Variants in CAPN2 observed in about 807,000 individuals in gnomAD.
CAPN2 encodes calpain-2 catalytic subunit.
A neutral mutation model predicts 102.3 loss-of-function variants in CAPN2; 92 were observed. The observed-to-expected ratio is 0.90, with a 90% CI of 0.76 to 1.07. The LOEUF (loss-of-function observed/expected upper bound fraction) is 1.07. Among genes scored for constraint, CAPN2 ranks in the 50% least tolerant of loss-of-function variants. The probability of loss-of-function intolerance (pLI) is 0.00; values close to 1 mark genes in which losing one functional copy is unlikely to be tolerated. For missense variants in CAPN2, 800 were observed against 909.4 expected (o/e 0.88, Z 1.55); for synonymous variants, 340 against 355.4 (o/e 0.96, Z 0.49).
chr1:223,761,633 T>A lies in CAPN2; in HGVS notation c.1566+16T>A, dbSNP rs372305919. The A allele has an allele frequency of 6.2e-6, 10 of 1,604,910 alleles. No homozygotes were observed. In the African/African-American group the frequency reaches 1.2e-4, roughly 19 times the overall value. ...TCTTGAAGAGGTATTTGTAACTCTT[T>A]GAATTTCACCCACTCTGTCCTGGAC... is the stretch of plus-strand genomic sequence containing the variant. On this transcript the variant is annotated intron_variant, in intron 13 of 20. Transcript: ENST00000295006.
chr1:223,748,126 G>A lies in CAPN2; in HGVS notation c.730-913G>A, dbSNP rs28370057. 4.6e-3 allele frequency among the ~76,000 whole-genome samples: 706 copies of A among 152,314 alleles called. 8 individuals carry two copies. The highest frequency in any genetic ancestry group is 5.7e-3 in the African/African-American group (239 of 41,570). The stretch of plus-strand genomic sequence containing the variant: ...CAGCCTTCCCCTGCACTCTTGCAGA[G>A]CTAATAGGCCCGTGGGAGACTTCGG... On this transcript the variant is annotated intron_variant, in intron 5 of 20. Transcript: ENST00000295006.
chr1:223,772,231 C>CTTAT lies in CAPN2; in HGVS notation c.2072_2075dup (p.Ser693TyrfsTer13). The CTTAT allele has an allele frequency of 6.2e-7, 1 of 1,613,970 alleles. No individual in the cohort carries two copies. The highest frequency in any genetic ancestry group is 8.5e-7 in the Non-Finnish European group (1 of 1,179,882). On this transcript the variant is annotated frameshift_variant, in exon 20 of 21. Transcript: ENST00000295006. LOFTEE classifies it high-confidence loss of function. ...GAATACTGGAACAATAGAGCTCGAC[C>CTTAT]TTATCTCTGTGAGTCAGCAGGCCCC...
At chr1:223,746,475 C>CTTTTTTTTTTTTTTTTTTT (rs60366533) in intron 4 of CAPN2, among the ~76,000 whole-genome samples, 1 of 108,462 alleles carries the variant, frequency 9.2e-6, no homozygotes, top group African/African-American at 4.4e-5. Flanking sequence ...CTACGAGAAT[C>CTTTTTTTTTTTTTTTTTTT]TTTTTTTTTT....
chr1:223,762,269 C>CA lies in CAPN2; in HGVS notation c.1632+18_1632+19insA. The CA allele has an allele frequency of 6.3e-7, 1 of 1,588,706 alleles. No homozygotes were observed. The highest frequency in any genetic ancestry group is 8.6e-7 in the Non-Finnish European group (1 of 1,156,904). On this transcript the variant is annotated intron_variant, in intron 14 of 20. Coordinates refer to ENST00000295006, the MANE Select transcript of CAPN2 (RefSeq NM_001748.5). Reference sequence around the variant, plus strand: ...CAGGAGAGGTAAATGTTCCCAAAAACGATGTTATGCACTCTGGTTGATGCA... The same window carrying CA: ...CAGGAGAGGTAAATGTTCCCAAAAACAGATGTTATGCACTCTGGTTGATGCA...
At chr1:223,713,771 C>T (rs901239288) in intron 1 of CAPN2, among the ~76,000 whole-genome samples, 1 of 152,210 alleles carries the variant, frequency 6.6e-6, no homozygotes, top group Non-Finnish European at 1.5e-5. Flanking sequence ...CCTTCTGTTA[C>T]CCTAAATCCA....
At position 223,724,027 on chromosome 1, in the gene CAPN2, C is replaced by T. The variant is rs73121392; in HGVS notation, c.307+6196C>T. ...CTTCCTGTGGCCAGGAGCCAGACCA[C>T]GCCCCTATACGGCCATAGTTGTCTT... On this transcript the variant is annotated intron_variant, in intron 2 of 20. Transcript: ENST00000295006. Among the ~76,000 whole-genome samples the T allele has an allele frequency of 4.2e-3, 633 of 151,828 alleles. 3 individuals carry two copies. Among genetic ancestry groups the T allele is most frequent in the African/African-American group, 0.015 (606 of 41,286 alleles).
chr1:223,732,140 G>A (rs750215663), intron 2 of CAPN2, among the ~76,000 whole-genome samples: 19 of 152,072 alleles, frequency 1.2e-4, no homozygotes, highest in African/African-American at 3.4e-4. Flanking sequence ...ACCTCTAGAC[G>A]CTCAGGCCCA....
intron 17 of CAPN2, 45 bp from the exon 18 acceptor site, chr1:223,770,402 C>T: frequency 7.0e-7 from 1 of 1,420,298 alleles, no homozygotes; most frequent in Non-Finnish European, 9.9e-7. Flanking sequence ...AACTTGCCAG[C>T]TTTGCTTTGG....
Position 223,737,702 on chromosome 1 carries a change from CGGG to C in CAPN2, c.308-6396_308-6394del. ...GAATTTAAGGCCTGACCAAAAGAGA[CGGG>C]GCGGGGGGTGGGGGGGAGAGAATAC... On this transcript the variant is annotated intron_variant, in intron 2 of 20. Transcript: ENST00000295006. 6.6e-4 allele frequency among the ~76,000 whole-genome samples: 5 copies of C among 7,620 alleles called. 1 individual carries two copies. Among genetic ancestry groups the C allele is most frequent in the Non-Finnish European group, 2.4e-3 (5 of 2,092 alleles). The allele number at this position is 7,620 out of a possible 152,430, so 5.0% of individuals were successfully genotyped here.
intron 12 of CAPN2, among the ~76,000 whole-genome samples, chr1:223,760,765 A>T (rs905241677): frequency 1.3e-5 from 2 of 152,172 alleles, no homozygotes; most frequent in Non-Finnish European, 2.9e-5. Flanking sequence ...CCCCAAGAGG[A>T]CACCCCACCT....
At position 223,775,631 on chromosome 1, in the gene CAPN2, C is replaced by T. The variant is rs190247452; in HGVS notation, c.*774C>T. ...ATAAAGGACAAAATAAGCTGTTTGC[C>T]ACCTCAAAACTTTATGAACTTCACC... On this transcript the variant is annotated 3_prime_UTR_variant, in exon 21 of 21. Transcript: ENST00000295006. The T allele has an allele frequency of 3.3e-5, 5 of 152,704 alleles. No individual in the cohort carries two copies. The East Asian group carries it at 9.6e-4, about 29-fold the overall frequency. The allele number at this position is 152,704 out of a possible 1,614,324, so 9.5% of individuals were successfully genotyped here. A position where few individuals can be genotyped will look rare whatever the true frequency, so the allele number is the denominator to read the frequency against.
At chr1:223,741,117 G>A (rs1274111393) in intron 2 of CAPN2, among the ~76,000 whole-genome samples, 4 of 152,148 alleles carry the variant, frequency 2.6e-5, no homozygotes, top group Non-Finnish European at 5.9e-5. Context: ...TTAGCTCGGG[G>A]CCTGGCACAC....
At chr1:223,761,548 T>G in intron 12 of CAPN2, 33 bp from the exon 13 acceptor site, 1 of 1,599,792 alleles carries the variant, frequency 6.3e-7, no homozygotes. Flanking sequence ...CTCGCCTGCC[T>G]TCCAGTAACA....
intron 11 of CAPN2, chr1:223,757,631 G>A: frequency 1.8e-6 from 1 of 549,060 alleles, no homozygotes; most frequent in Non-Finnish European, 3.2e-6. Flanking sequence ...CCCATACAGG[G>A]TTTGGTTCTG....
intron 2 of CAPN2, among the ~76,000 whole-genome samples, chr1:223,734,819 T>C (rs1388935042): frequency 2.6e-5 from 4 of 152,172 alleles, no homozygotes; most frequent in African/African-American, 7.2e-5. Flanking sequence ...ATTTTTTTCA[T>C]TTAATTCTCA....
chr1:223,753,754 T>C (rs1660963559), intron 9 of CAPN2, among the ~76,000 whole-genome samples: 1 of 152,212 alleles, frequency 6.6e-6, no homozygotes, highest in Non-Finnish European at 1.5e-5. Context: ...AGTCAAAACT[T>C]TGTTTCATGC....
At chr1:223,745,221 G>T in intron 3 of CAPN2, 85 bp from the exon 4 acceptor site, 3 of 1,580,468 alleles carry the variant, frequency 1.9e-6, no homozygotes, top group Non-Finnish European at 2.6e-6. Context: ...AGGGGATCAG[G>T]GCAAGGGGAG....
chr1:223,713,850 G>C (rs1000412975), intron 1 of CAPN2, among the ~76,000 whole-genome samples: 1 of 152,234 alleles, frequency 6.6e-6, no homozygotes, highest in Admixed American at 6.5e-5. Flanking sequence ...TCTTCTTCTT[G>C]CTAACCTGCT....
At chr1:223,737,351 GC>G (rs1660480420) in intron 2 of CAPN2, among the ~76,000 whole-genome samples, 1 of 152,214 alleles carries the variant, frequency 6.6e-6, no homozygotes, top group Admixed American at 6.5e-5. Context: ...CCTTCACGGG[GC>G]AGCTTAGGAA....
Sources: allele counts gnomAD v4.1 joint callset (sites outside exome capture counted in the v4.1 genomes callset), GRCh38; gene constraint gnomAD v4.1.1; transcripts MANE v1.5; gene names NCBI Gene and HGNC (gene_info 2026-07-23, HGNC 2026-07-21).